Variants in CACNA2D1 observed in about 807,000 individuals in gnomAD.
CACNA2D1 encodes the protein calcium voltage-gated channel auxiliary subunit alpha2delta 1.
Under a neutral mutation model 171.5 loss-of-function variants are expected in CACNA2D1, and 53 were observed. The ratio of observed to expected loss-of-function variants is 0.31; its 90% CI spans 0.25 to 0.39. The LOEUF (loss-of-function observed/expected upper bound fraction) is 0.39, where lower values mean the gene tolerates loss of function less well. Ranked by LOEUF, CACNA2D1 falls within the 10% of genes least tolerant of loss-of-function variation. The pLI, the probability that CACNA2D1 is intolerant of heterozygous loss-of-function variation, is 1.00. For missense variants in CACNA2D1, 903 were observed against 1,299.8 expected (o/e 0.69, Z 4.69); for synonymous variants, 442 against 443.1 (o/e 1.00, Z 0.03).
chr7:82,161,331 A>G (rs897593215), intron 4 of CACNA2D1, among the ~76,000 whole-genome samples: 14 of 152,028 alleles, frequency 9.2e-5, no homozygotes, highest in Admixed American at 9.2e-4. Context: ...ATTTTGGGGT[A>G]GCATGTACTG....
rs896025298 is a variant in CACNA2D1, at chr7:82,418,286, C to G, written c.95+25079G>C. ...ATTCAATTATCTCCACCTGGTCCCC[C>G]CTACCACAACACATGGGGATTATGG... On this transcript the variant is annotated intron_variant, in intron 1 of 38. Transcript: ENST00000356860. Among the ~76,000 whole-genome samples, 39 of 152,218 alleles carry G rather than the reference C, an allele frequency of 2.6e-4. 1 individual carries two copies. The highest frequency in any genetic ancestry group is 8.7e-4 in the African/African-American group (36 of 41,542).
intron 1 of CACNA2D1, among the ~76,000 whole-genome samples, chr7:82,384,913 A>C (rs776169807): frequency 2.6e-5 from 4 of 152,228 alleles, no homozygotes; most frequent in Non-Finnish European, 5.9e-5. Flanking sequence ...GGCATGATGT[A>C]AGAATCAATT....
intron 3 of CACNA2D1, among the ~76,000 whole-genome samples, chr7:82,183,045 A>C (rs903331379): frequency 1.3e-5 from 2 of 152,010 alleles, no homozygotes; most frequent in African/African-American, 4.8e-5. Flanking sequence ...TTAAAAAAAA[A>C]AAAAAAAAGT....
rs930417358 is a variant in CACNA2D1, at chr7:82,122,991, C to A, written c.397-5818G>T. Among the ~76,000 whole-genome samples the A allele has an allele frequency of 3.3e-5, 5 of 152,164 alleles. No individual in the cohort carries two copies. The South Asian group carries it at 1.0e-3, about 31-fold the overall frequency. ...CTGGCTAAAGTCATACAACTAAGAT[C>A]TAATTTAAGAGATCACACAGTAGGA... is the stretch of plus-strand genomic sequence containing the variant. On this transcript the variant is annotated intron_variant, in intron 5 of 38. Transcript: ENST00000356860.
intron 4 of CACNA2D1, among the ~76,000 whole-genome samples, chr7:82,140,424 A>T (rs1318804246): frequency 6.6e-6 from 1 of 152,188 alleles, no homozygotes; most frequent in Non-Finnish European, 1.5e-5. Flanking sequence ...CATAGCATAT[A>T]CATTTCATTA....
Position 82,370,122 on chromosome 7 carries a change from A to G in CACNA2D1, c.96-20473T>C, listed in dbSNP as rs137994184. Among the ~76,000 whole-genome samples, 1,219 of 152,168 alleles carry G rather than the reference A, an allele frequency of 8.0e-3. 21 individuals are homozygous for G. Among genetic ancestry groups the G allele is most frequent in the Non-Finnish European group, 0.012 (802 of 67,904 alleles). On this transcript the variant is annotated intron_variant, in intron 1 of 38. Coordinates refer to ENST00000356860, the MANE Select transcript of CACNA2D1 (RefSeq NM_000722.4). ...TAAAATCTTTAAAATATTCCACTTA[A>G]AGACAAAAGGAAGAATGTTCACTCT...
chr7:81,951,970 T>TTTTTTTTTTTTTGTTTG (rs1491307432), intron 38 of CACNA2D1, among the ~76,000 whole-genome samples: 23 of 23,954 alleles, frequency 9.6e-4, no homozygotes, highest in Admixed American at 3.7e-3. Context: ...GTACAAAGTG[T>TTTTTTTTTTTTTGTTTG]TTTTTTTTTT....
At chr7:82,375,614 A>G (rs1413101780) in intron 1 of CACNA2D1, among the ~76,000 whole-genome samples, 1 of 152,174 alleles carries the variant, frequency 6.6e-6, no homozygotes, top group African/African-American at 2.4e-5. Context: ...CACTGCTTTC[A>G]ACACTTCTTA....
chr7:82,287,262 C>CTTT (rs60221780), intron 3 of CACNA2D1, among the ~76,000 whole-genome samples: 3,513 of 147,316 alleles, frequency 0.024, 144 homozygotes, highest in African/African-American at 0.083. Flanking sequence ...TCTTTTCTTT[C>CTTT]TTTTTTTTTT....
chr7:81,959,423 C>T, intron 37 of CACNA2D1, 66 bp from the exon 38 acceptor site: 1 of 1,080,538 alleles, frequency 9.3e-7, no homozygotes, highest in Non-Finnish European at 1.4e-6. Flanking sequence ...AAATACAATG[C>T]AATGTATTTC....
chr7:81,982,111 T>A (rs1796500409), intron 24 of CACNA2D1, among the ~76,000 whole-genome samples: 1 of 152,022 alleles, frequency 6.6e-6, no homozygotes, highest in South Asian at 2.1e-4. Context: ...TGTCCCAGAG[T>A]CTACATTGCT....
At chr7:82,351,858 G>A (rs1335115191) in intron 1 of CACNA2D1, among the ~76,000 whole-genome samples, 16 of 152,050 alleles carry the variant, frequency 1.1e-4, no homozygotes, top group Non-Finnish European at 2.4e-4. Context: ...AGCAGGTGCT[G>A]AACAAGTCCT....
chr7:82,359,639 C>G (rs1463529899), intron 1 of CACNA2D1, among the ~76,000 whole-genome samples: 1 of 149,484 alleles, frequency 6.7e-6, no homozygotes, highest in Admixed American at 6.8e-5. Context: ...CCTCTTCTGG[C>G]CAATTCAAGT....
Position 82,039,585 on chromosome 7 carries a change from A to G in CACNA2D1, c.880-1350T>C, listed in dbSNP as rs1354007463. ...ATCCTGCATTGCCTCTCAATATAGT[A>G]TAATAAATTATGATTCATTCTATAA... On this transcript the variant is annotated intron_variant, in intron 10 of 38. Transcript: ENST00000356860. Among the ~76,000 whole-genome samples, 6 of 152,212 alleles carry G rather than the reference A, an allele frequency of 3.9e-5. No individual in the cohort carries two copies. The East Asian group carries it at 5.8e-4, about 15-fold the overall frequency.
intron 30 of CACNA2D1, 31 bp downstream of exon 30, chr7:81,967,565 A>G (rs781351390): frequency 6.0e-6 from 7 of 1,169,762 alleles, no homozygotes; most frequent in Non-Finnish European, 8.8e-6. Flanking sequence ...AACATTAAAC[A>G]TAGCATAAGA....
At chr7:82,000,126 G>C (rs1798433225) in intron 18 of CACNA2D1, among the ~76,000 whole-genome samples, 1 of 152,070 alleles carries the variant, frequency 6.6e-6, no homozygotes, top group South Asian at 2.1e-4. Context: ...GGGCATGGTG[G>C]CCAGCACCTG....
chr7:82,099,306 A>ACAC (rs1812329526), intron 6 of CACNA2D1, among the ~76,000 whole-genome samples: 1 of 151,986 alleles, frequency 6.6e-6, no homozygotes, highest in Admixed American at 6.6e-5. Flanking sequence ...CCTAGATGTG[A>ACAC]CACTTCTAAC....
intron 4 of CACNA2D1, among the ~76,000 whole-genome samples, chr7:82,153,532 C>G (rs1297703510): frequency 6.6e-6 from 1 of 151,848 alleles, no homozygotes; most frequent in Admixed American, 6.6e-5. Context: ...TTTAAAAGAC[C>G]CTTGGATCTA....
At chr7:81,965,067 C>A (rs1461509906) in intron 32 of CACNA2D1, among the ~76,000 whole-genome samples, 1 of 151,800 alleles carries the variant, frequency 6.6e-6, no homozygotes, top group African/African-American at 2.4e-5. Context: ...ATCAGCTCCA[C>A]CCCATAAATC....
Sources: allele counts gnomAD v4.1 joint callset (sites outside exome capture counted in the v4.1 genomes callset), GRCh38; gene constraint gnomAD v4.1.1; transcripts MANE v1.5; gene names NCBI Gene and HGNC (gene_info 2026-07-23, HGNC 2026-07-21).